RBFOX1: variants seen among roughly 807,000 people sequenced by gnomAD.
RBFOX1 encodes the protein RNA binding fox-1 homolog 1.
Under a neutral mutation model 57.7 loss-of-function variants are expected in RBFOX1, and 8 were observed. The observed-to-expected ratio is 0.14, with a 90% confidence interval of 0.08 to 0.25. The LOEUF (loss-of-function observed/expected upper bound fraction) is 0.25, where lower values mean the gene tolerates loss of function less well. Ranked by LOEUF, RBFOX1 falls within the 10% of genes least tolerant of loss-of-function variation. The pLI is 1.00. For synonymous variants in RBFOX1, 326 were observed against 222.4 expected (o/e 1.47, Z -4.15); for missense variants, 611 against 548.5 (o/e 1.11, Z -1.14).
At chr16:5,282,369 G>T (rs1313152287) in intron 1 of RBFOX1, among the ~76,000 whole-genome samples, 1 of 152,202 alleles carries the variant, frequency 6.6e-6, no homozygotes, top group African/African-American at 2.4e-5. Flanking sequence ...GTGGGGTGTT[G>T]CTAAAAGATA....
intron 4 of RBFOX1, among the ~76,000 whole-genome samples, chr16:7,241,299 T>G (rs1389163295): frequency 6.6e-6 from 1 of 152,126 alleles, no homozygotes; most frequent in Admixed American, 6.5e-5. Context: ...TCTCTCAGCT[T>G]GAGTAATGGG....
At chr16:7,188,336 C>A (rs929727799) in intron 4 of RBFOX1, among the ~76,000 whole-genome samples, 6 of 152,178 alleles carry the variant, frequency 3.9e-5, no homozygotes, top group African/African-American at 1.2e-4. Context: ...CTTTGGCTAT[C>A]TAAGTCCTGC....
intron 2 of RBFOX1, among the ~76,000 whole-genome samples, chr16:6,511,751 A>G (rs138733605): frequency 1.2e-4 from 18 of 152,350 alleles, no homozygotes; most frequent in African/African-American, 4.3e-4. Flanking sequence ...GATGGATTTT[A>G]TAAGAAGACA....
At chr16:7,089,569 T>G (rs2060491381) in intron 4 of RBFOX1, among the ~76,000 whole-genome samples, 1 of 152,100 alleles carries the variant, frequency 6.6e-6, no homozygotes. Context: ...AGTTGGTTGC[T>G]AGTCACACTC....
At chr16:6,451,615 A>G (rs906059046) in intron 2 of RBFOX1, among the ~76,000 whole-genome samples, 1 of 152,150 alleles carries the variant, frequency 6.6e-6, no homozygotes, top group African/African-American at 2.4e-5. Context: ...TAACTTAGAT[A>G]CTTCCTGGTC....
intron 3 of RBFOX1, among the ~76,000 whole-genome samples, chr16:6,918,362 G>T (rs1429080421): frequency 6.6e-6 from 1 of 151,878 alleles, no homozygotes; most frequent in Non-Finnish European, 1.5e-5. Flanking sequence ...TGGTGCCATT[G>T]TTTATGAATT....
intron 3 of RBFOX1, among the ~76,000 whole-genome samples, chr16:5,651,580 C>T (rs952258951): frequency 2.0e-5 from 3 of 152,128 alleles, no homozygotes; most frequent in African/African-American, 7.2e-5. Context: ...GAAATGAGCA[C>T]CCCGTCCTGT....
chr16:6,962,285 C>T (rs1056370279), intron 3 of RBFOX1, among the ~76,000 whole-genome samples: 2 of 152,142 alleles, frequency 1.3e-5, no homozygotes, highest in Non-Finnish European at 2.9e-5. Flanking sequence ...TAGTCATTGG[C>T]CCACCCTAAA....
chr16:5,291,677 A>G (rs1468489187), intron 1 of RBFOX1, among the ~76,000 whole-genome samples: 1 of 152,220 alleles, frequency 6.6e-6, no homozygotes, highest in Non-Finnish European at 1.5e-5. Flanking sequence ...GCAGATTGTC[A>G]CAGGGCCAGG....
chr16:6,081,321 TCCC>T (rs1245132408), intron 1 of RBFOX1, among the ~76,000 whole-genome samples: 1 of 152,214 alleles, frequency 6.6e-6, no homozygotes, highest in African/African-American at 2.4e-5. Context: ...GCTGGGCTCG[TCCC>T]CTGGGTGCTG....
chr16:7,658,468 C>T (rs1429019723), intron 12 of RBFOX1, among the ~76,000 whole-genome samples: 3 of 152,040 alleles, frequency 2.0e-5, no homozygotes, highest in African/African-American at 7.2e-5. Context: ...GCCACAATGC[C>T]CAGTCTAGCT....
chr16:6,250,942 G>A (rs1442387506), intron 1 of RBFOX1, among the ~76,000 whole-genome samples: 5 of 151,968 alleles, frequency 3.3e-5, no homozygotes, highest in Non-Finnish European at 5.9e-5. Context: ...AAAGATACCT[G>A]ATTTTGTTTT....
intron 3 of RBFOX1, among the ~76,000 whole-genome samples, chr16:6,709,383 T>C (rs1382002277): frequency 6.6e-6 from 1 of 152,198 alleles, no homozygotes; most frequent in South Asian, 2.1e-4. Flanking sequence ...CATGCATCAC[T>C]TGTTATTCTG....
In RBFOX1 at chr16:5,946,376, G is replaced by C. The variant is rs1352930992; in HGVS notation, c.351+79041G>C. Among the ~76,000 whole-genome samples the C allele has an allele frequency of 6.6e-6, 1 of 152,078 alleles. No homozygotes were observed. The highest frequency in any genetic ancestry group is 1.5e-5 in the Non-Finnish European group (1 of 68,014). ...TTCTCCATTCCTTTTCTTTTCGTTT[G>C]CTCATGGATGTTTATCAAACACCAA... On this transcript the variant is annotated intron_variant, in intron 4 of 19. Transcript: ENST00000641259. The surrounding 1 kb of genome is among the most constrained non-coding windows in gnomAD (Gnocchi z 4.6).
Position 6,673,365 on chromosome 16 carries a change from A to G in RBFOX1, c.-16+18715A>G, listed in dbSNP as rs183377015. Among the ~76,000 whole-genome samples the G allele has an allele frequency of 2.0e-3, 305 of 152,292 alleles. 2 individuals carry two copies. Among genetic ancestry groups the G allele is most frequent in the African/African-American group, 6.7e-3 (278 of 41,558 alleles). Reference sequence around the variant, plus strand: ...CACTTTGGGAGGCCTAGGTGGGTGGATCACCTGAGGTCAGGAGTTTGAGAC... The same window carrying G: ...CACTTTGGGAGGCCTAGGTGGGTGGGTCACCTGAGGTCAGGAGTTTGAGAC... On this transcript the variant is annotated intron_variant, in intron 3 of 15. Transcript: ENST00000550418.
At chr16:7,591,696 C>A (rs1446496967) in intron 7 of RBFOX1, among the ~76,000 whole-genome samples, 1 of 152,162 alleles carries the variant, frequency 6.6e-6, no homozygotes, top group Non-Finnish European at 1.5e-5. Context: ...TGTACCCCTT[C>A]TTGCGGTCTT....
At chr16:5,972,790 C>T (rs2059988857) in intron 4 of RBFOX1, among the ~76,000 whole-genome samples, 1 of 152,212 alleles carries the variant, frequency 6.6e-6, no homozygotes, top group South Asian at 2.1e-4. Flanking sequence ...TATCTGTTTG[C>T]CACCTTCCTG....
chr16:6,758,048 C>G (rs1408474592), intron 3 of RBFOX1, among the ~76,000 whole-genome samples: 2 of 152,160 alleles, frequency 1.3e-5, no homozygotes, highest in Non-Finnish European at 1.5e-5. Flanking sequence ...TCAGTCCAAA[C>G]TACTATCTTC....
intron 14 of RBFOX1, among the ~76,000 whole-genome samples, chr16:7,678,405 A>G (rs746605673): frequency 1.3e-4 from 20 of 152,206 alleles, no homozygotes; most frequent in Non-Finnish European, 2.6e-4. Context: ...ATGTTATTAA[A>G]TTCTGCACTG....
Sources: gnomAD v4.1 joint callset for allele counts (sites outside exome capture counted in the v4.1 genomes callset) on GRCh38, gnomAD v4.1.1 for gene constraint, Gnocchi (gnomAD v3.1) non-coding constraint, MANE v1.5 for transcripts, NCBI Gene and HGNC (gene_info 2026-07-23, HGNC 2026-07-21) for gene names.